PRKN: variants seen among roughly 807,000 people sequenced by gnomAD.
PRKN encodes the protein parkin RBR E3 ubiquitin protein ligase, also known as E3 ubiquitin-protein ligase parkin.
PRKN carries 56 observed loss-of-function variants against 59.5 expected under a neutral mutation model. The ratio of observed to expected loss-of-function variants is 0.94; its 90% CI spans 0.76 to 1.18. The LOEUF is 1.18. Among genes scored for constraint, PRKN ranks in the 50% most tolerant of loss-of-function variants. The probability of loss-of-function intolerance (pLI) is 0.00; values close to 1 mark genes in which losing one functional copy is unlikely to be tolerated. For missense variants in PRKN, 657 were observed against 596.4 expected, an observed-to-expected ratio of 1.10 and a Z score of -1.06; for synonymous variants, 250 against 222.1, an observed-to-expected ratio of 1.13 and a Z score of -1.12.
At chr6:162,496,130 A>G (rs1010558390) in intron 1 of PRKN, among the ~76,000 whole-genome samples, 27 of 152,010 alleles carry the variant, frequency 1.8e-4, no homozygotes, top group African/African-American at 5.6e-4. Flanking sequence ...CCAGCTACTC[A>G]GGAGGCTGAG....
chr6:161,776,574 C>T (rs1431532207), intron 7 of PRKN, among the ~76,000 whole-genome samples: 1 of 152,210 alleles, frequency 6.6e-6, no homozygotes, highest in African/African-American at 2.4e-5. Flanking sequence ...CTGCCCACCC[C>T]AGAGTAGTTC....
intron 2 of PRKN, among the ~76,000 whole-genome samples, chr6:162,359,071 A>T (rs1234314373): frequency 1.8e-4 from 16 of 89,698 alleles, no homozygotes; most frequent in African/African-American, 6.3e-4. Context: ...AAAAAAAAAA[A>T]AAAAAAAAAT....
At chr6:162,509,714 C>T (rs112526798) in intron 1 of PRKN, among the ~76,000 whole-genome samples, 29 of 152,258 alleles carry the variant, frequency 1.9e-4, no homozygotes, top group African/African-American at 3.6e-4. Context: ...CAGTATTTTA[C>T]GCAGACACTG....
intron 2 of PRKN, among the ~76,000 whole-genome samples, chr6:162,269,275 T>A (rs1474501575): frequency 6.6e-6 from 1 of 152,182 alleles, no homozygotes; most frequent in Non-Finnish European, 1.5e-5. Context: ...CAACTGTGTC[T>A]GTAGTACCTA....
intron 7 of PRKN, among the ~76,000 whole-genome samples, chr6:161,645,267 G>A (rs73021469): frequency 0.025 from 3,716 of 151,564 alleles, 63 homozygotes; most frequent in Non-Finnish European, 0.034. Flanking sequence ...AATGAATTAC[G>A]GAAACATACT....
chr6:162,069,465 C>A (rs1357927259), intron 4 of PRKN, among the ~76,000 whole-genome samples: 1 of 152,056 alleles, frequency 6.6e-6, no homozygotes, highest in African/African-American at 2.4e-5. Context: ...CAGATGTAAC[C>A]AGAAACTGAG....
intron 9 of PRKN, among the ~76,000 whole-genome samples, chr6:161,501,420 T>C (rs772595929): frequency 1.3e-5 from 2 of 152,346 alleles, no homozygotes; most frequent in East Asian, 1.9e-4. Flanking sequence ...TATATCTTTT[T>C]TCGGTGAGGT....
intron 7 of PRKN, among the ~76,000 whole-genome samples, chr6:161,765,519 C>T (rs1789387591): frequency 6.6e-6 from 1 of 152,112 alleles, no homozygotes; most frequent in Non-Finnish European, 1.5e-5. Context: ...CTATACTTAG[C>T]ATGAGTGTAC....
chr6:162,197,275 T>C (rs1423226720), intron 4 of PRKN, among the ~76,000 whole-genome samples: 1 of 152,198 alleles, frequency 6.6e-6, no homozygotes, highest in East Asian at 1.9e-4. Context: ...ATCAGTAGTG[T>C]GACTGGTCGG....
intron 3 of PRKN, among the ~76,000 whole-genome samples, chr6:162,224,153 C>A (rs1488221657): frequency 6.6e-6 from 1 of 152,026 alleles, no homozygotes; most frequent in Non-Finnish European, 1.5e-5. Flanking sequence ...TAAGCTAAGA[C>A]CAAGCTGAGC....
chr6:161,532,916 T>G (rs1779277732), intron 9 of PRKN, among the ~76,000 whole-genome samples: 1 of 152,202 alleles, frequency 6.6e-6, no homozygotes, highest in African/African-American at 2.4e-5. Context: ...TGAAACCCTC[T>G]TATACAATTA....
chr6:161,648,224 G>T (rs932339079), intron 7 of PRKN, among the ~76,000 whole-genome samples: 2 of 152,096 alleles, frequency 1.3e-5, no homozygotes, highest in African/African-American at 4.8e-5. Flanking sequence ...ACACAGATAT[G>T]GATTGTACAG....
chr6:162,652,620 G>C (rs1778487841), intron 1 of PRKN, among the ~76,000 whole-genome samples: 1 of 152,020 alleles, frequency 6.6e-6, no homozygotes. Context: ...ATTATTTATG[G>C]TTTCTACCCA....
intron 2 of PRKN, among the ~76,000 whole-genome samples, chr6:162,328,604 A>G (rs770572339): frequency 6.6e-6 from 1 of 152,228 alleles, no homozygotes; most frequent in Non-Finnish European, 1.5e-5. Context: ...GTATCTTATA[A>G]GTGCTGAGCT....
chr6:162,393,177 T>TTTTTTTTTTTTTTTTTTTTA (rs869117723), intron 2 of PRKN, among the ~76,000 whole-genome samples: 1 of 142,810 alleles, frequency 7.0e-6, no homozygotes. Flanking sequence ...TTTTTTTTTT[T>TTTTTTTTTTTTTTTTTTTTA]GAGACAGAGT....
At chr6:162,468,647 A>C (rs939009017) in intron 1 of PRKN, among the ~76,000 whole-genome samples, 1 of 152,204 alleles carries the variant, frequency 6.6e-6, no homozygotes, top group Non-Finnish European at 1.5e-5. Context: ...AAGACAGCTT[A>C]AGCATGTTCA....
At chr6:162,209,366 C>G (rs1785093452) in intron 3 of PRKN, among the ~76,000 whole-genome samples, 1 of 152,160 alleles carries the variant, frequency 6.6e-6, no homozygotes, top group Non-Finnish European at 1.5e-5. Context: ...CTCATCGTCA[C>G]TGGTCATCAG....
intron 7 of PRKN, among the ~76,000 whole-genome samples, chr6:161,680,944 T>A (rs953743396): frequency 6.6e-6 from 1 of 151,490 alleles, no homozygotes; most frequent in African/African-American, 2.4e-5. Flanking sequence ...AATAGGTTTT[T>A]GAGTTTTTAA....
intron 1 of PRKN, among the ~76,000 whole-genome samples, chr6:162,669,248 G>C (rs1413535295): frequency 6.6e-6 from 1 of 151,796 alleles, no homozygotes; most frequent in Non-Finnish European, 1.5e-5. Context: ...AAGGAAACAT[G>C]TTCTTATGCT....
Sources: allele counts gnomAD v4.1 joint callset (sites outside exome capture counted in the v4.1 genomes callset), GRCh38; gene constraint gnomAD v4.1.1; transcripts MANE v1.5; gene names NCBI Gene and HGNC (gene_info 2026-07-23, HGNC 2026-07-21).